SLC13A4: variants seen among roughly 807,000 people sequenced by gnomAD.
SLC13A4 encodes solute carrier family 13 member 4.
Under a neutral mutation model 72.7 loss-of-function variants are expected in SLC13A4, and 28 were observed. The ratio of observed to expected loss-of-function variants is 0.39; its 90% CI spans 0.29 to 0.53. The LOEUF (loss-of-function observed/expected upper bound fraction) is 0.53, where lower values mean the gene tolerates loss of function less well. Ranked by LOEUF, SLC13A4 falls within the 20% of genes least tolerant of loss-of-function variation. The pLI is 0.78. For missense variants in SLC13A4, 653 were observed against 788.0 expected (o/e 0.83, Z 2.05); for synonymous variants, 312 against 325.5 (o/e 0.96, Z 0.45).
At chr7:135,708,398 A>G in intron 2 of SLC13A4, 148 bp from the exon 3 acceptor site, 1 of 1,038,840 alleles carries the variant, frequency 9.6e-7, no homozygotes, top group Non-Finnish European at 1.4e-6. Context: ...GATTATTGAA[A>G]TAGCCGCCCA....
chr7:135,723,586 C>T (rs1362823747), intron 1 of SLC13A4, among the ~76,000 whole-genome samples: 1 of 152,140 alleles, frequency 6.6e-6, no homozygotes, highest in Non-Finnish European at 1.5e-5. Context: ...TCTGATTTGC[C>T]CTGAGGCTGG....
intron 11 of SLC13A4, chr7:135,691,983 C>T (rs1444496785): frequency 4.8e-6 from 2 of 414,420 alleles, no homozygotes; most frequent in East Asian, 4.9e-5. Flanking sequence ...AAGGCCACAC[C>T]TCCATGTGCC....
intron 5 of SLC13A4, chr7:135,703,162 TAC>T: frequency 2.1e-6 from 1 of 482,942 alleles, no homozygotes; most frequent in Non-Finnish European, 3.7e-6. Context: ...GGATATTAGA[TAC>T]AGAGTGCACA....
chr7:135,719,805 G>GTGTGTGTGTA (rs1554480025), intron 2 of SLC13A4, among the ~76,000 whole-genome samples: 95 of 109,056 alleles, frequency 8.7e-4, no homozygotes, highest in East Asian at 1.8e-3. Context: ...GTGTGTGTAT[G>GTGTGTGTGTA]TGTGTGTGTG....
At chr7:135,703,866 G>A (rs1370793111) in intron 5 of SLC13A4, 1 of 152,326 alleles carries the variant, frequency 6.6e-6, no homozygotes. Flanking sequence ...AGGAGAATGT[G>A]CTGTGATGTT....
intron 1 of SLC13A4, among the ~76,000 whole-genome samples, chr7:135,725,922 T>C (rs1401845606): frequency 1.3e-5 from 2 of 152,160 alleles, no homozygotes; most frequent in Non-Finnish European, 2.9e-5. Flanking sequence ...TGAGCTACGA[T>C]TGTGCCACCG....
At chr7:135,683,047 C>A (rs1391237965) in intron 15 of SLC13A4, among the ~76,000 whole-genome samples, 1 of 152,054 alleles carries the variant, frequency 6.6e-6, no homozygotes, top group Admixed American at 6.6e-5. Flanking sequence ...ACCTGTAATG[C>A]CAGCACTTTG....
At chr7:135,698,646 T>C (rs1444977490) in intron 8 of SLC13A4, among the ~76,000 whole-genome samples, 1 of 147,424 alleles carries the variant, frequency 6.8e-6, no homozygotes, top group Non-Finnish European at 1.5e-5. Flanking sequence ...TTTTTTTTTT[T>C]TTTTTTGAGA....
intron 1 of SLC13A4, among the ~76,000 whole-genome samples, chr7:135,722,320 G>C (rs535189021): frequency 1.3e-5 from 2 of 152,308 alleles, no homozygotes; most frequent in African/African-American, 4.8e-5. Flanking sequence ...CAGTCATCCT[G>C]AGTTTGACAC....
chr7:135,708,917 A>ATTTTTT (rs59407311), intron 2 of SLC13A4, among the ~76,000 whole-genome samples: 3 of 71,460 alleles, frequency 4.2e-5, no homozygotes, highest in African/African-American at 1.2e-4. Context: ...GTCTTGCTCA[A>ATTTTTT]TTTTTTTTTT....
intron 1 of SLC13A4, among the ~76,000 whole-genome samples, chr7:135,724,520 AAAG>A (rs1796613047): frequency 3.4e-5 from 3 of 87,142 alleles, no homozygotes; most frequent in East Asian, 3.1e-4. Flanking sequence ...AAAAAAAAAA[AAAG>A]AAGAAAGGAG....
chr7:135,699,269 C>T, intron 8 of SLC13A4, 95 bp downstream of exon 8: 4 of 1,240,524 alleles, frequency 3.2e-6, no homozygotes, highest in Non-Finnish European at 4.3e-6. Flanking sequence ...GGAAACTCTT[C>T]TATTCTCATT....
In SLC13A4 at chr7:135,727,623, G is replaced by T. The variant is rs1190205631; in HGVS notation, c.-127C>A. 3.3e-5 allele frequency: 41 copies of T among 1,229,630 alleles called. No individual in the cohort carries two copies. The highest frequency in any genetic ancestry group is 4.5e-5 in the Non-Finnish European group (41 of 908,084). The allele number at this position is 1,229,630 out of a possible 1,614,324, so 76.2% of individuals were successfully genotyped here. On this transcript the variant is annotated 5_prime_UTR_variant, in exon 1 of 16. Transcript: ENST00000682651. ...TCTTGGCTTCCGAGAGTCCTCCTTC[G>T]TCTTGGGGGCAGAACGGGAGGGCAG... is the stretch of plus-strand genomic sequence containing the variant.
chr7:135,706,014 T>C, intron 4 of SLC13A4, 114 bp downstream of exon 4: 1 of 913,340 alleles, frequency 1.1e-6, no homozygotes, highest in Non-Finnish European at 1.6e-6. Context: ...GGGGCATGGC[T>C]GAGGGGGTCC....
Position 135,707,938 on chromosome 7 carries a change from A to G in SLC13A4, c.365+176T>C. 4.5e-6 allele frequency: 3 copies of G among 665,954 alleles called. No individual in the cohort carries two copies. The South Asian group carries it at 6.8e-5, about 15-fold the overall frequency. The allele number at this position is 665,954 out of a possible 1,614,324, so 41.3% of individuals were successfully genotyped here. On this transcript the variant is annotated intron_variant, in intron 3 of 15. Coordinates refer to ENST00000682651, the MANE Select transcript of SLC13A4 (RefSeq NM_001318192.2). ...AGCAAGGTCACAGGTTTAAATCTCT[A>G]CTCCATGATCACAGGCCCTCTCCCT...
intron 7 of SLC13A4, 48 bp downstream of exon 7, chr7:135,701,632 C>T: frequency 6.3e-7 from 1 of 1,580,884 alleles, no homozygotes; most frequent in Non-Finnish European, 8.7e-7. Flanking sequence ...GGAAGCAGTT[C>T]ACAGCGTTTC....
intron 15 of SLC13A4, chr7:135,683,480 C>G (rs1244349552): frequency 3.1e-6 from 3 of 978,754 alleles, no homozygotes; most frequent in African/African-American, 1.8e-5. Context: ...TCCATCCTCT[C>G]CCCCCCCGCT....
chr7:135,714,890 T>C (rs1346771010), intron 2 of SLC13A4, among the ~76,000 whole-genome samples: 1 of 152,174 alleles, frequency 6.6e-6, no homozygotes, highest in Non-Finnish European at 1.5e-5. Flanking sequence ...AGCTGGAAGC[T>C]GAGTGACACC....
intron 12 of SLC13A4, 35 bp downstream of exon 12, chr7:135,691,513 A>G (rs768353682): frequency 2.6e-6 from 4 of 1,567,690 alleles, no homozygotes; most frequent in Middle Eastern, 1.7e-4. Flanking sequence ...GTATTCTTCA[A>G]CTAGAGCTAC....
Sources: allele counts gnomAD v4.1 joint callset (sites outside exome capture counted in the v4.1 genomes callset), GRCh38; gene constraint gnomAD v4.1.1; transcripts MANE v1.5; gene names NCBI Gene and HGNC (gene_info 2026-07-23, HGNC 2026-07-21).